Variants in TTN observed in about 807,000 individuals in gnomAD.
The protein encoded by TTN is connectin.
A neutral mutation model predicts 3,223.0 loss-of-function variants in TTN; 1,525 were observed. That is an observed-to-expected ratio of 0.47 (90% confidence interval 0.45 to 0.49). The LOEUF (loss-of-function observed/expected upper bound fraction) is 0.49. Ranked by LOEUF, TTN falls within the 20% of genes least tolerant of loss-of-function variation. The pLI is 0.00. For synonymous variants in TTN, 14,094 were observed against 15,161.0 expected (o/e 0.93, Z 5.17); for missense variants, 40,786 against 43,424.0 (o/e 0.94, Z 5.40).
chr2:178,553,514 T>C lies in TTN; in HGVS notation c.89491A>G (p.Lys29831Glu), dbSNP rs774632104. 6.4e-5 allele frequency: 103 copies of C among 1,610,204 alleles called. No individual in the cohort carries two copies. The East Asian group carries it at 7.1e-4, about 11-fold the overall frequency. Residue 29831 changes from lysine to glutamate, a missense_variant, in exon 334 of 363, where the codon AAA (lysine) becomes GAA (glutamate). Transcript: ENST00000589042. ...AGTAGGTACATACCAAGTATATCTT[T>C]AGCTTGTACAGGTTCATTCATTTCT... ...PIEMNEPVQA[K>E]DILEAPEIDL...
At position 178,590,726 on chromosome 2, in the gene TTN, A is replaced by G. The variant is rs746358853; in HGVS notation, c.60999T>C (p.Thr20333=). 5 of 1,612,644 alleles carry G rather than the reference A, an allele frequency of 3.1e-6. No individual in the cohort carries two copies. In the Admixed American group the frequency reaches 8.3e-5, roughly 27 times the overall value. Residue 20333 remains threonine (T), a synonymous_variant, in exon 304 of 363, where the codon ACT becomes ACC. Coordinates refer to ENST00000589042, the MANE Select transcript of TTN (RefSeq NM_001267550.2). ...CATATGTATTTCCTTCATAGAGTCC[A>G]GTCACTCTGAACTTCAGGTCAGCGA... is the stretch of plus-strand genomic sequence containing the variant. ...TPIADLKFRV[T]GLYEGNTYEF... is the part of the protein sequence containing the mutation.
At chr2:178,736,736 A>T (rs889557944) in intron 49 of TTN, among the ~76,000 whole-genome samples, 3 of 152,100 alleles carry the variant, frequency 2.0e-5, no homozygotes, top group African/African-American at 7.2e-5. Context: ...TCCTAAATTG[A>T]CCTAATTTGA....
chr2:178,691,792 A>G (rs2072516846), intron 121 of TTN, among the ~76,000 whole-genome samples: 2 of 152,360 alleles, frequency 1.3e-5, no homozygotes, highest in South Asian at 2.1e-4. Context: ...GCAGTTTGAC[A>G]TAGTTACTTC....
rs181902304 is a variant in TTN at position 178,633,520 on chromosome 2, T to C, written c.42839A>G (p.Asp14280Gly). 88 of 1,613,286 alleles carry C rather than the reference T, an allele frequency of 5.5e-5. No homozygotes were observed. Among genetic ancestry groups the C allele is most frequent in the Admixed American group, 1.7e-4 (10 of 59,956 alleles). Residue 14280 changes from aspartate to glycine, a missense_variant, in exon 232 of 363, where the codon GAT (aspartate) becomes GGT (glycine). Asp to Gly is a moderately conservative substitution (Grantham distance 94). Transcript: ENST00000589042. ...VPSPKYSIKADGLRRILKIKK... is the reference protein window; with the variant it reads ...VPSPKYSIKAGGLRRILKIKK... ...GATTTTTAAGATGCGGCGCAGGCCA[T>C]CTGCCTTGATAGAATATTTGGGTGA... is the stretch of plus-strand genomic sequence containing the variant.
chr2:178,624,664 C>G lies in TTN; in HGVS notation c.44616G>C (p.Leu14872=), dbSNP rs770201909. 1 of 1,612,504 alleles carries G rather than the reference C, an allele frequency of 6.2e-7. No individual in the cohort carries two copies. The highest frequency in any genetic ancestry group is 2.2e-5 in the East Asian group (1 of 44,664). The change falls in exon 242 of 363, where the codon CTG becomes CTC. Residue 14872 remains leucine (L), a synonymous_variant. Coordinates refer to ENST00000589042, the MANE Select transcript of TTN (RefSeq NM_001267550.2). ...QTVEEGATAV[L]ECEVSRENAK... is the part of the protein sequence containing the mutation. ...CATTTTCTCTGGAGACTTCACACTC[C>G]AGCACTGCAGTGGCTCCCTCTTCGA...
intron 47 of TTN, chr2:178,751,116 C>T: frequency 6.2e-7 from 1 of 1,612,816 alleles, no homozygotes; most frequent in East Asian, 2.2e-5. Flanking sequence ...GAATGATCTA[C>T]CTTATAACTT....
chr2:178,590,872 C>T lies in TTN; in HGVS notation c.60853G>A (p.Glu20285Lys), dbSNP rs1362658901. 1.9e-6 allele frequency: 3 copies of T among 1,609,912 alleles called. No homozygotes were observed. Among genetic ancestry groups the T allele is most frequent in the Non-Finnish European group, 2.5e-6 (3 of 1,176,714 alleles). The change falls in exon 304 of 363, where the codon GAA becomes AAA. Residue 20285 changes from glutamate to lysine, a missense_variant. Physicochemically the swap from Glu to Lys is moderately conservative, Grantham distance 56. Coordinates refer to ENST00000589042, the MANE Select transcript of TTN (RefSeq NM_001267550.2). The stretch of plus-strand genomic sequence containing the variant: ...GTCCAAGACACTGTTGCTGCATTTT[C>T]AGTAATGTCAGTAACCACTGGTTTA... ...PGKPVVTDIT[E>K]NAATVSWTLP...
At chr2:178,622,879 A>G in intron 242 of TTN, 112 bp from the exon 243 acceptor site, 1 of 818,074 alleles carries the variant, frequency 1.2e-6, no homozygotes, top group Admixed American at 2.6e-5. Flanking sequence ...TTCCATCTTA[A>G]TAGACTACAA....
chr2:178,548,568 G>T lies in TTN; in HGVS notation c.93058C>A (p.Pro31020Thr), dbSNP rs944645264. 3.1e-6 allele frequency: 5 copies of T among 1,613,850 alleles called. No individual in the cohort carries two copies. In the South Asian group the frequency reaches 4.4e-5, roughly 14 times the overall value. ...ACATCTTTGAAGGTAATTGGGCCAG[G>T]TGGGCCTGGAGTGTCTAGCACTTTC... The part of the protein sequence containing the change: ...TVKVLDTPGP[P>T]GPITFKDVTR... Residue 31020 changes from proline to threonine, a missense_variant, in exon 339 of 363, where the codon CCT becomes ACT. Physicochemically the swap from Pro to Thr is conservative, Grantham distance 38. Coordinates refer to ENST00000589042, the MANE Select transcript of TTN (RefSeq NM_001267550.2). The surrounding 1 kb of genome is among the most constrained non-coding windows in gnomAD (Gnocchi z 4.3).
chr2:178,790,933 G>T (rs2093456637), intron 10 of TTN, 88 bp from the exon 11 acceptor site: 1 of 1,499,524 alleles, frequency 6.7e-7, no homozygotes, highest in Non-Finnish European at 9.2e-7. Flanking sequence ...GAAAATACAG[G>T]ATGCTTAGTG....
In TTN at chr2:178,615,447, A is replaced by C. The variant is rs1429263816; in HGVS notation, c.48498T>G (p.Asp16166Glu). ...PDPPENVKWR[D>E]RTANSIFLTW... ...TTAAGAAGATGCTATTGGCTGTTCG[A>C]TCTCTCCATTTAACATTCTCTGGTG... The change falls in exon 259 of 363, where the codon GAT becomes GAG. Residue 16166 changes from aspartate to glutamate, a missense_variant. Physicochemically the swap from Asp to Glu is conservative, Grantham distance 45. Transcript: ENST00000589042. 10 of 1,612,280 alleles carry C rather than the reference A, an allele frequency of 6.2e-6. No homozygotes were observed. The highest frequency in any genetic ancestry group is 8.5e-6 in the Non-Finnish European group (10 of 1,178,924).
In TTN at chr2:178,547,388, G is replaced by A; in HGVS notation, c.94219+19C>T. 6.3e-7 allele frequency: 1 copy of A among 1,584,804 alleles called. No homozygotes were observed. Among genetic ancestry groups the A allele is most frequent in the Non-Finnish European group, 8.6e-7 (1 of 1,165,692 alleles). ...ATTTAATAATAGAGACTTTGAAATAGGATTTTTATTTTTCTTACCAAATGG... is the reference window on the plus strand; with the variant it reads ...ATTTAATAATAGAGACTTTGAAATAAGATTTTTATTTTTCTTACCAAATGG... On this transcript the variant is annotated intron_variant, in intron 339 of 362. Coordinates refer to ENST00000589042, the MANE Select transcript of TTN (RefSeq NM_001267550.2).
chr2:178,747,171 G>A, intron 47 of TTN: 1 of 1,609,076 alleles, frequency 6.2e-7, no homozygotes, highest in Non-Finnish European at 8.5e-7. Flanking sequence ...GTCTCTCCTG[G>A]GGGTGTGGAG....
Position 178,675,771 on chromosome 2 carries a change from T to A in TTN, c.34454-17A>T. ...CCACAGACACTTTAAAAATATTATT[T>A]TATTTTATAAGTTCAGTTTCACACA... On this transcript the variant is annotated splice_polypyrimidine_tract_variant and intron_variant, in intron 148 of 362. Transcript: ENST00000589042. 6.7e-7 allele frequency: 1 copy of A among 1,486,342 alleles called. No homozygotes were observed. Among genetic ancestry groups the A allele is most frequent in the Non-Finnish European group, 8.9e-7 (1 of 1,121,056 alleles). 92.1% of individuals were successfully genotyped at this position (1,486,342 alleles called of 1,614,324 possible).
chr2:178,640,079 A>C lies in TTN; in HGVS notation c.40755T>G (p.Pro13585=). The C allele has an allele frequency of 1.9e-6, 3 of 1,612,244 alleles. No individual in the cohort carries two copies. Among genetic ancestry groups the C allele is most frequent in the South Asian group, 2.2e-5 (2 of 90,980 alleles). ...VPEIKPAIPL[P]APEPKPKPEA... ...CGGGCTTTGGTTTCGGTTCAGGTGC[A>C]GGGAGAGGTATTGCTGGCTTGATTT... The change falls in exon 222 of 363, where the codon CCT becomes CCG. Residue 13585 remains proline, a synonymous_variant. Transcript: ENST00000589042.
At position 178,563,981 on chromosome 2, in the gene TTN, G is replaced by A. The variant is rs775005409; in HGVS notation, c.82151C>T (p.Ala27384Val). The A allele has an allele frequency of 1.5e-5, 24 of 1,613,476 alleles. No homozygotes were observed. The highest frequency in any genetic ancestry group is 1.3e-4 in the East Asian group (6 of 44,836). Residue 27384 changes from alanine to valine, a missense_variant, in exon 326 of 363, where the codon GCG becomes GTG. Ala to Val is a moderately conservative substitution (Grantham distance 64). Coordinates refer to ENST00000589042, the MANE Select transcript of TTN (RefSeq NM_001267550.2). The surrounding 1 kb of genome is among the most constrained non-coding windows in gnomAD (Gnocchi z 4.5). ...GTTCCATGCCAGGTAACATTTTTCC[G>A]CAGTAACTCCAGTAACTTTCAGAGG... ...EGPLKVTGVTAEKCYLAWNPP... is the reference protein window; with the variant it reads ...EGPLKVTGVTVEKCYLAWNPP...
At chr2:178,606,684 A>G (rs2054925045) in intron 278 of TTN, among the ~76,000 whole-genome samples, 1 of 151,894 alleles carries the variant, frequency 6.6e-6, no homozygotes, top group African/African-American at 2.4e-5. Flanking sequence ...TTTAACTACT[A>G]CGCTAGTAAG....
chr2:178,664,396 G>A, intron 168 of TTN, 64 bp downstream of exon 168: 5 of 1,292,904 alleles, frequency 3.9e-6, no homozygotes, highest in Non-Finnish European at 5.5e-6. Flanking sequence ...TTCAAAACTA[G>A]AAAGGTGGTC....
In TTN at chr2:178,728,708, A is replaced by G. The variant is rs1427917942; in HGVS notation, c.19218T>C (p.Cys6406=). Residue 6406 remains cysteine, a synonymous_variant, in exon 66 of 363, where the codon TGT becomes TGC. Coordinates refer to ENST00000589042, the MANE Select transcript of TTN (RefSeq NM_001267550.2). ...VTEKDPMTLE[C]VVAGTPELKV... The stretch of plus-strand genomic sequence containing the variant: ...TGAGTTCTGGTGTTCCAGCCACAAC[A>G]CATTCCAAGGTCATGGGATCTTTCT... 1 of 1,613,044 alleles carries G rather than the reference A, an allele frequency of 6.2e-7. No homozygotes were observed. The highest frequency in any genetic ancestry group is 2.2e-5 in the East Asian group (1 of 44,822).
Sources: gnomAD v4.1 joint callset for allele counts (sites outside exome capture counted in the v4.1 genomes callset) on GRCh38, gnomAD v4.1.1 for gene constraint, Gnocchi (gnomAD v3.1) non-coding constraint, MANE v1.5 for transcripts, NCBI Gene and HGNC (gene_info 2026-07-23, HGNC 2026-07-21) for gene names.